Variants in SLC25A12 observed in about 807,000 individuals in gnomAD.
SLC25A12 encodes electrogenic aspartate/glutamate antiporter SLC25A12, mitochondrial.
In SLC25A12, 32 loss-of-function variants were observed where a neutral mutation model predicts 83.3. The observed-to-expected ratio is 0.38, with a 90% CI of 0.29 to 0.52. SLC25A12 has a LOEUF of 0.52. Ranked by LOEUF, SLC25A12 falls within the 20% of genes least tolerant of loss-of-function variation. The pLI is 0.84. For synonymous variants in SLC25A12, 267 were observed against 291.1 expected (o/e 0.92, Z 0.84); for missense variants, 611 against 835.6 (o/e 0.73, Z 3.31).
At chr2:171,886,049 CTT>C (rs1166702351) in intron 2 of SLC25A12, among the ~76,000 whole-genome samples, 1 of 152,058 alleles carries the variant, frequency 6.6e-6, no homozygotes, top group African/African-American at 2.4e-5. Flanking sequence ...CATGAAATGA[CTT>C]TGTTTTACAA....
intron 3 of SLC25A12, among the ~76,000 whole-genome samples, chr2:171,858,216 A>T (rs1685084043): frequency 6.6e-6 from 1 of 152,206 alleles, no homozygotes; most frequent in African/African-American, 2.4e-5. Flanking sequence ...TTTTCCTAGG[A>T]AACTAATCTT....
At chr2:171,840,671 G>C (rs1241578562) in intron 5 of SLC25A12, among the ~76,000 whole-genome samples, 1 of 151,892 alleles carries the variant, frequency 6.6e-6, no homozygotes, top group Non-Finnish European at 1.5e-5. Flanking sequence ...GGAGAGAAAA[G>C]AAGACTAAAA....
chr2:171,889,137 C>T (rs1201812616), intron 2 of SLC25A12, among the ~76,000 whole-genome samples: 1 of 152,126 alleles, frequency 6.6e-6, no homozygotes, highest in Non-Finnish European at 1.5e-5. Context: ...GCCCCTGATC[C>T]TCTGCCTTGC....
chr2:171,893,674 C>T (rs908198744), intron 1 of SLC25A12, among the ~76,000 whole-genome samples: 2 of 152,232 alleles, frequency 1.3e-5, no homozygotes, highest in Non-Finnish European at 2.9e-5. Context: ...GCAAACCCAA[C>T]ATGTAATTAT....
chr2:171,805,011 A>G (rs2105852591), intron 13 of SLC25A12, among the ~76,000 whole-genome samples: 1 of 152,374 alleles, frequency 6.6e-6, no homozygotes. Context: ...TTTCACAACA[A>G]AACACTGAAT....
intron 13 of SLC25A12, among the ~76,000 whole-genome samples, chr2:171,800,019 A>C (rs925136959): frequency 3.3e-5 from 5 of 152,194 alleles, no homozygotes; most frequent in Non-Finnish European, 5.9e-5. Flanking sequence ...AGACCATTAG[A>C]AAGTACCTAA....
chr2:171,851,462 T>A (rs1037679802), intron 4 of SLC25A12, among the ~76,000 whole-genome samples: 6 of 150,250 alleles, frequency 4.0e-5, no homozygotes, highest in African/African-American at 1.5e-4. Flanking sequence ...GTGCTGGGAT[T>A]ACAGGCGTGA....
intron 9 of SLC25A12, among the ~76,000 whole-genome samples, chr2:171,816,691 G>C (rs2105866769): frequency 6.6e-6 from 1 of 152,162 alleles, no homozygotes; most frequent in African/African-American, 2.4e-5. Context: ...ATATGCTTCA[G>C]TATAATTAAC....
intron 2 of SLC25A12, among the ~76,000 whole-genome samples, chr2:171,872,127 T>C (rs1161865179): frequency 2.0e-5 from 3 of 152,122 alleles, no homozygotes; most frequent in Admixed American, 1.3e-4. Context: ...GTTTAAACCT[T>C]GGCTCTACCA....
chr2:171,871,150 C>T (rs1685448822), intron 2 of SLC25A12, among the ~76,000 whole-genome samples: 2 of 152,016 alleles, frequency 1.3e-5, no homozygotes, highest in South Asian at 4.2e-4. Flanking sequence ...TACAGTGAGC[C>T]ATGATTGTGC....
chr2:171,851,236 C>G (rs1018824501), intron 4 of SLC25A12, among the ~76,000 whole-genome samples: 1 of 151,740 alleles, frequency 6.6e-6, no homozygotes, highest in African/African-American at 2.4e-5. Context: ...CTCTTTCACC[C>G]AGGCTGGAGT....
At chr2:171,892,613 T>TTTTTTTC (rs1360944917) in intron 2 of SLC25A12, among the ~76,000 whole-genome samples, 1 of 152,298 alleles carries the variant, frequency 6.6e-6, no homozygotes, top group East Asian at 1.9e-4. Flanking sequence ...GCCAACCTTT[T>TTTTTTTC]TTTTTTCTTT....
At chr2:171,838,063 TA>T (rs1387021810) in intron 5 of SLC25A12, among the ~76,000 whole-genome samples, 2 of 152,186 alleles carry the variant, frequency 1.3e-5, no homozygotes, top group African/African-American at 4.8e-5. Context: ...GATCCATGAC[TA>T]AATGCAAAAA....
intron 2 of SLC25A12, among the ~76,000 whole-genome samples, chr2:171,889,990 G>A (rs561145804): frequency 1.3e-5 from 2 of 152,214 alleles, no homozygotes; most frequent in South Asian, 2.1e-4. Flanking sequence ...CCACTATGAT[G>A]TAAGAAGCCA....
intron 5 of SLC25A12, among the ~76,000 whole-genome samples, chr2:171,839,636 C>T (rs907264761): frequency 2.0e-5 from 3 of 152,036 alleles, no homozygotes; most frequent in African/African-American, 4.8e-5. Flanking sequence ...AAAACAGAAA[C>T]GCAAGGACAA....
At chr2:171,819,953 G>A (rs1399570588) in intron 9 of SLC25A12, among the ~76,000 whole-genome samples, 1 of 152,182 alleles carries the variant, frequency 6.6e-6, no homozygotes, top group African/African-American at 2.4e-5. Context: ...ACCATCCTTA[G>A]CAAACTAACA....
chr2:171,853,932 G>A (rs906896833), intron 4 of SLC25A12, among the ~76,000 whole-genome samples: 1 of 152,058 alleles, frequency 6.6e-6, no homozygotes, highest in Non-Finnish European at 1.5e-5. Context: ...CAAGGTAGAG[G>A]GACAAAAATT....
rs775253855 is a variant in SLC25A12 at position 171,809,638 on chromosome 2, G to C, written c.1273C>G (p.Pro425Ala). Residue 425 changes from proline (P) to alanine (A), a missense_variant, in exon 13 of 18, where the codon CCA becomes GCA. Physicochemically the swap from Pro to Ala is conservative, Grantham distance 27 (BLOSUM62 -1). This residue lies in a region of SLC25A12 where 540 missense variants were observed against 777.5 expected (regional missense o/e 0.69). Transcript: ENST00000422440. Reference protein sequence around the residue: ...DKFTRRDGSVPLPAEVLAGGC... With the variant: ...DKFTRRDGSVALPAEVLAGGC... ...CCAGCAAGAACTTCTGCTGGAAGTG[G>C]AACAGAGCCATCTCTTCTGGTAAAT... The C allele has an allele frequency of 6.2e-7, 1 of 1,614,018 alleles. No individual in the cohort carries two copies. The highest frequency in any genetic ancestry group is 8.5e-7 in the Non-Finnish European group (1 of 1,179,926).
intron 9 of SLC25A12, 47 bp from the exon 10 acceptor site, chr2:171,815,249 G>C: frequency 7.6e-7 from 1 of 1,310,814 alleles, no homozygotes; most frequent in East Asian, 2.3e-5. Context: ...AGCGCACACA[G>C]CAAGTGAAAA....
Sources: allele counts gnomAD v4.1 joint callset (sites outside exome capture counted in the v4.1 genomes callset), GRCh38; gene constraint gnomAD v4.1.1; regional missense constraint gnomAD v4.1.1; transcripts MANE v1.5; gene names NCBI Gene and HGNC (gene_info 2026-07-23, HGNC 2026-07-21).